The following SLC3A1 variants were observed in gnomAD, a reference collection of about 807,000 sequenced individuals.
SLC3A1 encodes amino acid transporter heavy chain SLC3A1.
A neutral mutation model predicts 60.3 loss-of-function variants in SLC3A1; 78 were observed. The observed-to-expected ratio is 1.29, with a 90% CI of 1.08 to 1.56. The LOEUF is 1.56. Ranked by LOEUF, SLC3A1 falls within the 40% of genes most tolerant of loss-of-function variation. SLC3A1 has a pLI of 0.00. For synonymous variants in SLC3A1, 392 were observed against 307.9 expected (o/e 1.27, Z -2.86); for missense variants, 1,172 against 858.9 (o/e 1.36, Z -4.56).
chr2:44,321,920 GA>G, downstream of SLC3A1: 1 of 1,605,110 alleles, frequency 6.2e-7, no homozygotes, highest in Non-Finnish European at 8.5e-7. Flanking sequence ...TTAACATGTA[GA>G]ACAATTAGAA....
intron 9 of SLC3A1, chr2:44,314,842 C>G (rs1047683224): frequency 6.6e-6 from 1 of 150,670 alleles, no homozygotes; most frequent in African/African-American, 2.4e-5. Context: ...AGGCCAAGGC[C>G]AATCTGAATA....
chr2:44,280,118 G>A (rs1671458827), intron 1 of SLC3A1, among the ~76,000 whole-genome samples: 1 of 152,112 alleles, frequency 6.6e-6, no homozygotes, highest in Non-Finnish European at 1.5e-5. Flanking sequence ...AAAACCATGT[G>A]TAGAATAAAT....
intron 7 of SLC3A1, among the ~76,000 whole-genome samples, chr2:44,308,075 C>T (rs1469564576): frequency 6.6e-6 from 1 of 152,078 alleles, no homozygotes; most frequent in Non-Finnish European, 1.5e-5. Context: ...TCAAGTTTGC[C>T]TTGAGCCATG....
Position 44,275,653 on chromosome 2 carries a change from T to C in SLC3A1, c.118T>C (p.Ser40Pro), listed in dbSNP as rs1448051279. 1 of 1,614,128 alleles carries C rather than the reference T, an allele frequency of 6.2e-7. No homozygotes were observed. Among genetic ancestry groups the C allele is most frequent in the Non-Finnish European group, 8.5e-7 (1 of 1,179,994 alleles). ...ILEQTPDPGS[S>P]TDNLKHSTRG... ...GGAGCAGACCCCGGATCCAGGAAGC[T>C]CAACAGACAACCTGAAGCACAGCAC... Residue 40 changes from serine to proline, a missense_variant, in exon 1 of 10, where the codon TCA (serine) becomes CCA (proline). By Grantham distance (74) the Ser-to-Pro change is moderately conservative. Coordinates refer to ENST00000260649, the MANE Select transcript of SLC3A1 (RefSeq NM_000341.4).
Position 44,312,647 on chromosome 2 carries a change from T to C in SLC3A1, c.1394T>C (p.Met465Thr), listed in dbSNP as rs1672327827. ...SRLGNQYVNVMNMLLFTLPGT... is the reference protein window; with the variant it reads ...SRLGNQYVNVTNMLLFTLPGT... ...TTGGGGAATCAGTATGTCAACGTGA[T>C]GAACATGCTTCTTTTCACACTCCCT... Residue 465 changes from methionine to threonine, a missense_variant, in exon 8 of 10, where the codon ATG becomes ACG. Coordinates refer to ENST00000260649, the MANE Select transcript of SLC3A1 (RefSeq NM_000341.4). 6.2e-7 allele frequency: 1 copy of C among 1,613,986 alleles called. No individual in the cohort carries two copies. Among genetic ancestry groups the C allele is most frequent in the Non-Finnish European group, 8.5e-7 (1 of 1,179,844 alleles).
At chr2:44,314,989 T>C (rs1672392982) in intron 9 of SLC3A1, 1 of 125,442 alleles carries the variant, frequency 8.0e-6, no homozygotes, top group Non-Finnish European at 1.6e-5. Context: ...TAGAGTGCAA[T>C]GGTGTGGTCT....
chr2:44,307,274 A>G (rs1356834504), intron 7 of SLC3A1, among the ~76,000 whole-genome samples: 1 of 152,218 alleles, frequency 6.6e-6, no homozygotes, highest in Non-Finnish European at 1.5e-5. Flanking sequence ...CTTTTGGACT[A>G]TTACGAATAG....
intron 6 of SLC3A1, chr2:44,303,886 C>T (rs1021909850): frequency 1.0e-5 from 6 of 592,008 alleles, no homozygotes; most frequent in African/African-American, 7.5e-5. Context: ...CAGCTTCATC[C>T]ATGTCCCTGC....
chr2:44,304,804 T>C (rs1672111424), intron 7 of SLC3A1, among the ~76,000 whole-genome samples: 1 of 147,458 alleles, frequency 6.8e-6, no homozygotes, highest in Non-Finnish European at 1.5e-5. Flanking sequence ...TACTACACTC[T>C]TGAAAACAAT....
At chr2:44,281,315 C>T (rs969915970) in intron 2 of SLC3A1, 72 bp from the exon 3 acceptor site, 1 of 1,353,514 alleles carries the variant, frequency 7.4e-7, no homozygotes, top group Non-Finnish European at 1.1e-6. Flanking sequence ...TTAGCCATTA[C>T]TGTGCCTGGC....
Position 44,320,635 on chromosome 2 carries a change from G to A in SLC3A1, c.2054G>A (p.Cys685Tyr), listed in dbSNP as rs747267676. 15 of 1,612,942 alleles carry A rather than the reference G, an allele frequency of 9.3e-6. No individual in the cohort carries two copies. Among genetic ancestry groups the A allele is most frequent in the African/African-American group, 1.3e-5 (1 of 74,860 alleles). The change falls in exon 10 of 10, where the codon TGT (cysteine) becomes TAT (tyrosine). Residue 685 changes from cysteine to tyrosine, a missense_variant. Physicochemically the swap from Cys to Tyr is radical, Grantham distance 194. Transcript: ENST00000260649. ...GTACTGAACATACTGTATACCTCGT[G>A]TTAGGCACCTTTATGAAGAGATGAA... ...SSVLNILYTS[C>Y]
rs2104334067 is a variant in SLC3A1, at chr2:44,280,776, C to A, written c.491C>A (p.Ser164Ter). 6.2e-7 allele frequency: 1 copy of A among 1,611,840 alleles called. No individual in the cohort carries two copies. The highest frequency in any genetic ancestry group is 1.1e-5 in the South Asian group (1 of 91,038). Residue 164 changes from serine (S) to a stop codon, truncating the protein, a stop_gained, in exon 2 of 10, where the codon TCA becomes TAA. Coordinates refer to ENST00000260649, the MANE Select transcript of SLC3A1 (RefSeq NM_000341.4). LOFTEE classifies it high-confidence loss of function. ...ALNIKTVWITSFYKSSLKDFR... is the reference protein window; with the variant it reads ...ALNIKTVWIT Reference sequence around the variant, plus strand: ...AATATAAAAACTGTTTGGATTACTTCATTTTATAAATCGTCCCTTAAAGAT... The same window carrying A: ...AATATAAAAACTGTTTGGATTACTTAATTTTATAAATCGTCCCTTAAAGAT...
Position 44,275,502 on chromosome 2 carries a change from A to C in SLC3A1, c.-34A>C. 3 of 1,587,320 alleles carry C rather than the reference A, an allele frequency of 1.9e-6. No homozygotes were observed. Among genetic ancestry groups the C allele is most frequent in the Non-Finnish European group, 2.6e-6 (3 of 1,157,836 alleles). ...GCCACTCTTCCACCTCCCTTACTGC[A>C]GGAAGGCACTCCGAAGACATAAGTC... On this transcript the variant is annotated 5_prime_UTR_variant, in exon 1 of 10. Coordinates refer to ENST00000260649, the MANE Select transcript of SLC3A1 (RefSeq NM_000341.4).
At chr2:44,288,490 GACACTTTGTACA>G (rs745615582) in intron 4 of SLC3A1, among the ~76,000 whole-genome samples, 47 of 150,906 alleles carry the variant, frequency 3.1e-4, no homozygotes, top group Admixed American at 6.6e-4. Flanking sequence ...GCCTATTCTG[GACACTTTGTACA>G]ACAGAATCAT....
At chr2:44,317,551 C>G (rs1463632594) in intron 9 of SLC3A1, 1 of 151,986 alleles carries the variant, frequency 6.6e-6, no homozygotes, top group Non-Finnish European at 1.5e-5. Context: ...TAGAACATTT[C>G]CAGCATTACA....
At chr2:44,314,342 T>C in intron 9 of SLC3A1, 2 of 445,018 alleles carry the variant, frequency 4.5e-6, no homozygotes, top group South Asian at 2.7e-5. Context: ...GATCAATCAA[T>C]CAACCCAGAG....
intron 7 of SLC3A1, among the ~76,000 whole-genome samples, chr2:44,309,085 T>TCAAA (rs1672227320): frequency 6.6e-6 from 1 of 152,242 alleles, no homozygotes; most frequent in Non-Finnish European, 1.5e-5. Context: ...AAAACAATTT[T>TCAAA]AAACATTCAA....
intron 4 of SLC3A1, 117 bp from the exon 5 acceptor site, chr2:44,299,854 G>A: frequency 1.9e-6 from 2 of 1,043,816 alleles, no homozygotes; most frequent in South Asian, 2.6e-5. Flanking sequence ...TACTGTGCTT[G>A]TTCTGTATGT....
intron 9 of SLC3A1, chr2:44,314,480 C>T (rs1053543058): frequency 5.9e-6 from 1 of 168,714 alleles, no homozygotes; most frequent in African/African-American, 2.4e-5. Flanking sequence ...TGATCAAGCA[C>T]TAATGTCATT....
Sources: gnomAD v4.1 joint callset for allele counts (sites outside exome capture counted in the v4.1 genomes callset) on GRCh38, gnomAD v4.1.1 for gene constraint, MANE v1.5 for transcripts, NCBI Gene and HGNC (gene_info 2026-07-23, HGNC 2026-07-21) for gene names.